The following TTN variants were observed in gnomAD, a reference collection of about 807,000 sequenced individuals.
The protein encoded by TTN is titin.
TTN carries 1,525 observed loss-of-function variants against 3,223.0 expected under a neutral mutation model. The observed-to-expected ratio is 0.47, with a 90% CI of 0.45 to 0.49. The LOEUF (loss-of-function observed/expected upper bound fraction) is 0.49. TTN is among the 20% of genes least tolerant of loss of function. The probability of loss-of-function intolerance (pLI) is 0.00; values close to 1 mark genes in which losing one functional copy is unlikely to be tolerated. For synonymous variants in TTN, 14,094 were observed against 15,161.0 expected (o/e 0.93, Z 5.17); for missense variants, 40,786 against 43,424.0 (o/e 0.94, Z 5.40).
At chr2:178,684,440 A>G (rs764492739) in intron 131 of TTN, 27 bp from the exon 132 acceptor site, 12 of 1,605,016 alleles carry the variant, frequency 7.5e-6, no homozygotes, top group South Asian at 5.6e-5. Flanking sequence ...AGGATTAGGG[A>G]GTTATATCAA....
Position 178,592,767 on chromosome 2 carries a change from T to C in TTN, c.59344+8A>G. The C allele has an allele frequency of 1.2e-6, 2 of 1,613,154 alleles. No individual in the cohort carries two copies. Among genetic ancestry groups the C allele is most frequent in the Non-Finnish European group, 1.7e-6 (2 of 1,179,530 alleles). Reference sequence around the variant, plus strand: ...CCTTGCAAACACAAGTGAGAGCATTTTACTCACCAAGCCTGTCTTTTACTA... The same window carrying C: ...CCTTGCAAACACAAGTGAGAGCATTCTACTCACCAAGCCTGTCTTTTACTA... On this transcript the variant is annotated splice_region_variant and intron_variant, in intron 300 of 362. Transcript: ENST00000589042.
chr2:178,575,674 G>A lies in TTN; in HGVS notation c.70458C>T (p.Thr23486=). The stretch of plus-strand genomic sequence containing the variant: ...TATATGTGCATTTATGGCACTTAGT[G>A]GTGGCTGTGGAATAAGATTTCCGTG... The part of the protein sequence containing the change: ...EATRKSYSTA[T]TKCHKCTYKV... The change falls in exon 326 of 363, where the codon ACC becomes ACT. Residue 23486 remains threonine (T), a synonymous_variant. Coordinates refer to ENST00000589042, the MANE Select transcript of TTN (RefSeq NM_001267550.2). The surrounding 1 kb of genome is among the most constrained non-coding windows in gnomAD (Gnocchi z 4.0). 1 of 1,613,566 alleles carries A rather than the reference G, an allele frequency of 6.2e-7. No homozygotes were observed. The highest frequency in any genetic ancestry group is 1.1e-5 in the South Asian group (1 of 91,076).
At chr2:178,703,615 T>G (rs1396591446) in intron 106 of TTN, among the ~76,000 whole-genome samples, 1 of 152,204 alleles carries the variant, frequency 6.6e-6, no homozygotes, top group Non-Finnish European at 1.5e-5. Context: ...ATGTTGTTAC[T>G]CCTAAATTCT....
In TTN at chr2:178,580,719, T is replaced by G. The variant is rs189097811; in HGVS notation, c.66770-110A>C. On this transcript the variant is annotated intron_variant, in intron 316 of 362. Coordinates refer to ENST00000589042, the MANE Select transcript of TTN (RefSeq NM_001267550.2). ...CATTTATTTTCTAGAGCTGATTTCT[T>G]GTTCTTTAAAACTTCCTTAATACAA... The G allele has an allele frequency of 2.9e-5, 33 of 1,119,866 alleles. No individual in the cohort carries two copies. In the Admixed American group the frequency reaches 9.1e-4, roughly 31 times the overall value. The allele number at this position is 1,119,866 out of a possible 1,614,324, so 69.4% of individuals were successfully genotyped here. A position where few individuals can be genotyped will look rare whatever the true frequency, so the allele number is the denominator to read the frequency against.
rs773038402 is a variant in TTN at position 178,544,364 on chromosome 2, C to T, written c.95865G>A (p.Gln31955=). ...TGGCATTGGTATGCACTCGGTACCA[C>T]TGATCAGTGTCCTTCTCTTGCATTT... ...VLEMQEKDTD[Q]WYRVHTNATI... is the part of the protein sequence containing the mutation. Residue 31955 remains glutamine (Q), a synonymous_variant, in exon 345 of 363, where the codon CAG becomes CAA. Coordinates refer to ENST00000589042, the MANE Select transcript of TTN (RefSeq NM_001267550.2). 1 of 1,613,818 alleles carries T rather than the reference C, an allele frequency of 6.2e-7. No homozygotes were observed.
intron 239 of TTN, among the ~76,000 whole-genome samples, chr2:178,629,706 C>T (rs931657161): frequency 2.6e-5 from 4 of 152,040 alleles, no homozygotes; most frequent in Admixed American, 1.3e-4. Flanking sequence ...CTCTGCCAGG[C>T]GTCAAGTTCT....
In TTN at chr2:178,533,085, A is replaced by T; in HGVS notation, c.103530T>A (p.Tyr34510Ter). ...CAGTCTTGGTGCTTACAGCCGGTTT[A>T]TAAAGGACAGCAGCTTCTCTCAGAG... ...KEALREAAVL[Y>*]KPAVSTKTVK... The change falls in exon 358 of 363, where the codon TAT (tyrosine) becomes TAA (stop). Residue 34510 changes from tyrosine to a stop codon, truncating the protein, a stop_gained. Transcript: ENST00000589042. LOFTEE classifies it high-confidence loss of function. 1 of 1,613,896 alleles carries T rather than the reference A, an allele frequency of 6.2e-7. No homozygotes were observed. The highest frequency in any genetic ancestry group is 1.7e-5 in the Admixed American group (1 of 60,020).
intron 77 of TTN, 61 bp downstream of exon 77, chr2:178,722,198 A>G: frequency 6.5e-7 from 1 of 1,529,740 alleles, no homozygotes; most frequent in African/African-American, 1.4e-5. Flanking sequence ...GGTCGTTTCT[A>G]CTTTGACAAT....
chr2:178,744,273 C>T, intron 47 of TTN: 1 of 680,284 alleles, frequency 1.5e-6, no homozygotes, highest in Non-Finnish European at 1.8e-6. Flanking sequence ...AATATTATTT[C>T]TCTCGTCCTT....
chr2:178,606,878 A>G (rs2055013550), intron 278 of TTN, 143 bp downstream of exon 278: 1 of 870,004 alleles, frequency 1.1e-6, no homozygotes, highest in Admixed American at 3.5e-5. Flanking sequence ...TAATGTTGCT[A>G]ATAGTTTTTT....
chr2:178,589,099 C>T lies in TTN; in HGVS notation c.62626G>A (p.Val20876Met), dbSNP rs774378099. 1 of 1,610,890 alleles carries T rather than the reference C, an allele frequency of 6.2e-7. No individual in the cohort carries two copies. The change falls in exon 304 of 363, where the codon GTG (valine) becomes ATG (methionine). Residue 20876 changes from valine (V) to methionine (M), a missense_variant. By Grantham distance (21) the Val-to-Met change is conservative. Coordinates refer to ENST00000589042, the MANE Select transcript of TTN (RefSeq NM_001267550.2). The part of the protein sequence containing the change: ...GPVRNLKIVD[V>M]SSDRCTVCWD... ...CAAACAGTACACCTATCACTGGACA[C>T]ATCAACAATTTTCAGATTTCTCACA...
At chr2:178,714,268 T>A in intron 91 of TTN, 24 bp downstream of exon 91, 3 of 1,605,538 alleles carry the variant, frequency 1.9e-6, no homozygotes, top group Non-Finnish European at 1.7e-6. Context: ...CTTGTATCTG[T>A]GATAACATCA....
At chr2:178,619,468 A>C (rs1030463594) in intron 250 of TTN, 153 bp downstream of exon 250, 3 of 873,656 alleles carry the variant, frequency 3.4e-6, no homozygotes, top group African/African-American at 3.4e-5. Flanking sequence ...CAAGACACTT[A>C]CTTTGTAGTG....
chr2:178,599,905 A>G (rs936449853), intron 288 of TTN, 55 bp from the exon 289 acceptor site: 6 of 1,478,478 alleles, frequency 4.1e-6, no homozygotes, highest in Non-Finnish European at 4.5e-6. Flanking sequence ...AGGGATAGAA[A>G]GTAGAATTCA....
chr2:178,682,866 G>T lies in TTN; in HGVS notation c.32925C>A (p.Thr10975=). ...GTACTGAAACAGCTTCTTCTTCTAG[G>T]GTATAAGCCCTTTCTTTCTCTTCCA... The part of the protein sequence containing the change: ...TIMEEKERAY[T]LEEEAVSVQR... The change falls in exon 135 of 363, where the codon ACC becomes ACA. Residue 10975 remains threonine (T), a synonymous_variant. Transcript: ENST00000589042. The T allele has an allele frequency of 3.1e-6, 5 of 1,610,298 alleles. No homozygotes were observed. Among genetic ancestry groups the T allele is most frequent in the Non-Finnish European group, 4.2e-6 (5 of 1,178,590 alleles).
rs2050365298 is a variant in TTN at position 178,592,205 on chromosome 2, T to C, written c.59699A>G (p.Glu19900Gly). The C allele has an allele frequency of 1.2e-6, 2 of 1,612,050 alleles. No homozygotes were observed. Among genetic ancestry groups the C allele is most frequent in the Non-Finnish European group, 1.7e-6 (2 of 1,179,114 alleles). Residue 19900 changes from glutamate (E) to glycine (G), a missense_variant, in exon 302 of 363, where the codon GAA becomes GGA. Glu to Gly is a moderately conservative substitution (Grantham distance 98). Transcript: ENST00000589042. ...AACAGAACCACCATCATCCAGTGGT[T>C]CTTTCCAAGTAAGGTAACATGAATC... ...RKDSCYLTWK[E>G]PLDDGGSVIT... is the part of the protein sequence containing the mutation.
In TTN at chr2:178,579,082, G is replaced by A; in HGVS notation, c.67948C>T (p.Pro22650Ser). The A allele has an allele frequency of 1.9e-6, 3 of 1,613,312 alleles. No homozygotes were observed. The Admixed American group carries it at 5.0e-5, about 27-fold the overall frequency. ...VVGKPGIPTG[P>S]IKFDEVTAEA... ...GCTGTGACTTCATCAAATTTGATTG[G>A]TCCAGTGGGGATGCCAGGCTTGCCA... Residue 22650 changes from proline (P) to serine (S), a missense_variant, in exon 320 of 363, where the codon CCA (proline) becomes TCA (serine). Transcript: ENST00000589042.
chr2:178,772,190 G>A (rs935352914), intron 33 of TTN, among the ~76,000 whole-genome samples: 1 of 152,074 alleles, frequency 6.6e-6, no homozygotes, highest in Non-Finnish European at 1.5e-5. Context: ...TTTAAAACAT[G>A]TAATTTATAT....
At position 178,533,902 on chromosome 2, in the gene TTN, C is replaced by T. The variant is rs767961553; in HGVS notation, c.102713G>A (p.Arg34238His). 32 of 1,613,672 alleles carry T rather than the reference C, an allele frequency of 2.0e-5. No homozygotes were observed. The highest frequency in any genetic ancestry group is 9.9e-5 in the South Asian group (9 of 91,086). Reference sequence around the variant, plus strand: ...GCGCTTAATTTTCTTCATGGTTCTACGGCAGTAATAGTCATAGACTTCTCT... The same window carrying T: ...GCGCTTAATTTTCTTCATGGTTCTATGGCAGTAATAGTCATAGACTTCTCT... ...GVREVYDYYC[R>H]RTMKKIKRRT... is the part of the protein sequence containing the mutation. Residue 34238 changes from arginine to histidine, a missense_variant, in exon 358 of 363, where the codon CGT becomes CAT. Arg to His is a conservative substitution (Grantham distance 29, BLOSUM62 0). Transcript: ENST00000589042.
Sources: allele counts gnomAD v4.1 joint callset (sites outside exome capture counted in the v4.1 genomes callset), GRCh38; gene constraint gnomAD v4.1.1; non-coding constraint Gnocchi (gnomAD v3.1); transcripts MANE v1.5; gene names NCBI Gene and HGNC (gene_info 2026-07-23, HGNC 2026-07-21).